Variants in SEMA3D observed in about 807,000 individuals in gnomAD.
SEMA3D encodes semaphorin 3D, also known as semaphorin-3D.
A neutral mutation model predicts 100.1 loss-of-function variants in SEMA3D; 84 were observed. The ratio of observed to expected loss-of-function variants is 0.84; its 90% confidence interval spans 0.70 to 1.01. The LOEUF (loss-of-function observed/expected upper bound fraction) is 1.01. SEMA3D is among the 50% of genes least tolerant of loss of function. The pLI is 0.00. For synonymous variants in SEMA3D, 312 were observed against 320.7 expected (o/e 0.97, Z 0.29); for missense variants, 875 against 934.1 (o/e 0.94, Z 0.82).
intron 2 of SEMA3D, among the ~76,000 whole-genome samples, chr7:85,149,206 A>G (rs960732605): frequency 6.6e-6 from 1 of 152,148 alleles, no homozygotes; most frequent in African/African-American, 2.4e-5. Context: ...GCACTTTGGG[A>G]GGCCAAGGCA....
In SEMA3D at chr7:85,122,026, G is replaced by C. The variant is rs971170020; in HGVS notation, c.-40-95C>G. On this transcript the variant is annotated intron_variant, in intron 2 of 18. Transcript: ENST00000284136. ...ACCATATCATCTCACTCTTAAGTGG[G>C]AGTTGAACAATGAGAACACATGGAC... 1.3e-5 allele frequency: 8 copies of C among 608,096 alleles called. No individual in the cohort carries two copies. The Middle Eastern group carries it at 1.8e-3, about 133-fold the overall frequency. 37.7% of individuals were successfully genotyped at this position (608,096 alleles called of 1,614,324 possible).
At chr7:85,008,782 C>T (rs1562780850) in intron 17 of SEMA3D, among the ~76,000 whole-genome samples, 1 of 151,684 alleles carries the variant, frequency 6.6e-6, no homozygotes, top group African/African-American at 2.4e-5. Context: ...CATGCAACCA[C>T]AGATTGTCCA....
At chr7:85,075,569 GA>G in intron 5 of SEMA3D, among the ~76,000 whole-genome samples, 1 of 152,006 alleles carries the variant, frequency 6.6e-6, no homozygotes, top group Non-Finnish European at 1.5e-5. Context: ...ATTAATTTAT[GA>G]AATTCCTCCC....
upstream of SEMA3D, among the ~76,000 whole-genome samples, chr7:85,191,965 A>T (rs1791700803): frequency 6.6e-6 from 1 of 152,138 alleles, no homozygotes; most frequent in African/African-American, 2.4e-5. Context: ...TTTCTACTAT[A>T]TTTGTGCCTC....
intron 4 of SEMA3D, among the ~76,000 whole-genome samples, chr7:85,088,489 T>C (rs1583910567): frequency 6.6e-6 from 1 of 152,080 alleles, no homozygotes; most frequent in East Asian, 1.9e-4. Flanking sequence ...GGCCATCTCT[T>C]TCAAAAAACA....
chr7:85,142,135 A>G (rs1242766202), intron 2 of SEMA3D: 1 of 984,428 alleles, frequency 1.0e-6, no homozygotes, highest in South Asian at 4.7e-5. Flanking sequence ...GCAATTATTG[A>G]CATATATCAA....
chr7:85,013,438 A>G (rs917097100), intron 16 of SEMA3D, among the ~76,000 whole-genome samples: 2 of 151,640 alleles, frequency 1.3e-5, no homozygotes, highest in African/African-American at 4.8e-5. Flanking sequence ...AGTTATGATC[A>G]TAATAATAAT....
chr7:85,218,194 G>A, the SEMA3D span, among the ~76,000 whole-genome samples: 1 of 151,876 alleles, frequency 6.6e-6, no homozygotes, highest in East Asian at 1.9e-4. Context: ...CCTTTAATTG[G>A]ATAAAAAAGG....
At chr7:85,175,831 G>A (rs146500836) in intron 1 of SEMA3D, among the ~76,000 whole-genome samples, 2 of 151,968 alleles carry the variant, frequency 1.3e-5, no homozygotes, top group African/African-American at 2.4e-5. Context: ...AGACAAGACC[G>A]GAGATAGTGT....
At chr7:85,009,697 T>A (rs1789898713) in intron 17 of SEMA3D, among the ~76,000 whole-genome samples, 1 of 151,798 alleles carries the variant, frequency 6.6e-6, no homozygotes, top group South Asian at 2.1e-4. Flanking sequence ...ACCCAATCTA[T>A]GTGAGGTCTT....
chr7:85,198,421 G>T, the SEMA3D span, among the ~76,000 whole-genome samples: 99,567 of 151,716 alleles, frequency 0.66, 33,254 homozygotes, highest in East Asian at 0.92. Context: ...CTTTATCATG[G>T]ATCCTTTGGG....
intron 2 of SEMA3D, among the ~76,000 whole-genome samples, chr7:85,150,347 A>ATATATATATATATATATATATATATAT (rs1562836122): frequency 6.2e-5 from 1 of 16,098 alleles, no homozygotes; most frequent in Non-Finnish European, 1.0e-4. Context: ...TTTTCTAGAA[A>ATATATATATATATATATATATATATAT]TATATATATA....
At chr7:85,036,144 C>CT (rs1241505431) in intron 12 of SEMA3D, among the ~76,000 whole-genome samples, 1 of 151,886 alleles carries the variant, frequency 6.6e-6, no homozygotes, top group East Asian at 1.9e-4. Context: ...TTTTTTTCCT[C>CT]TTTAATATTA....
intron 15 of SEMA3D, among the ~76,000 whole-genome samples, chr7:85,015,573 C>T (rs1024675224): frequency 4.6e-5 from 7 of 151,804 alleles, no homozygotes; most frequent in Non-Finnish European, 7.4e-5. Context: ...GCAAAGCTCA[C>T]GGTCTTCCCA....
intron 3 of SEMA3D, among the ~76,000 whole-genome samples, chr7:85,105,913 T>C (rs1314664919): frequency 6.6e-6 from 1 of 152,074 alleles, no homozygotes; most frequent in East Asian, 1.9e-4. Context: ...TGGTCACATT[T>C]CTATCACATC....
chr7:85,157,557 C>T lies in SEMA3D; in HGVS notation c.-172-3818G>A, dbSNP rs1171713689. 3 of 505,444 alleles carry T rather than the reference C, an allele frequency of 5.9e-6. No individual in the cohort carries two copies. In the African/African-American group the frequency reaches 6.2e-5, roughly 10 times the overall value. 31.3% of individuals were successfully genotyped at this position (505,444 alleles called of 1,614,324 possible). A position where few individuals can be genotyped will look rare whatever the true frequency, so the allele number is the denominator to read the frequency against. On this transcript the variant is annotated intron_variant, in intron 1 of 18. Coordinates refer to ENST00000284136, the MANE Select transcript of SEMA3D (RefSeq NM_001384900.1). ...TACTCTGATGTCTGAGCTTTTCGCA[C>T]CATGTCCCAATATGATCTCATATTT...
At chr7:85,091,375 G>A (rs957802229) in intron 4 of SEMA3D, among the ~76,000 whole-genome samples, 7 of 152,054 alleles carry the variant, frequency 4.6e-5, no homozygotes, top group African/African-American at 4.8e-5. Flanking sequence ...GGTTTGAACC[G>A]CTTCCAAAAT....
the SEMA3D span, among the ~76,000 whole-genome samples, chr7:85,228,047 C>T: frequency 6.6e-6 from 1 of 152,058 alleles, no homozygotes; most frequent in African/African-American, 2.4e-5. Context: ...TATTTGTTAT[C>T]AAAGTATATG....
At chr7:85,240,495 G>A in the SEMA3D span, among the ~76,000 whole-genome samples, 2 of 152,158 alleles carry the variant, frequency 1.3e-5, no homozygotes, top group Admixed American at 6.6e-5. Context: ...TAGAGCGATG[G>A]TTACCTCATA....
Sources: allele counts gnomAD v4.1 joint callset (sites outside exome capture counted in the v4.1 genomes callset), GRCh38; gene constraint gnomAD v4.1.1; transcripts MANE v1.5; gene names NCBI Gene and HGNC (gene_info 2026-07-23, HGNC 2026-07-21).